GABRB3: variants seen among roughly 807,000 people sequenced by gnomAD.
GABRB3 encodes the protein gamma-aminobutyric acid receptor subunit beta-3.
GABRB3 carries 14 observed loss-of-function variants against 52.1 expected under a neutral mutation model. The observed-to-expected ratio is 0.27, with a 90% CI of 0.18 to 0.42. The LOEUF (loss-of-function observed/expected upper bound fraction) is 0.42, where lower values mean the gene tolerates loss of function less well. GABRB3 is among the 10% of genes least tolerant of loss of function. GABRB3 has a pLI of 1.00. For synonymous variants in GABRB3, 260 were observed against 232.3 expected (o/e 1.12, Z -1.08); for missense variants, 307 against 609.1 (o/e 0.50, Z 5.22).
intron 3 of GABRB3, among the ~76,000 whole-genome samples, chr15:26,651,270 C>T (rs74004634): frequency 0.012 from 1,802 of 152,348 alleles, 39 homozygotes; most frequent in African/African-American, 0.041. Flanking sequence ...ATCCCTCACC[C>T]GCTTGTTCAC....
intron 6 of GABRB3, among the ~76,000 whole-genome samples, chr15:26,575,111 T>C (rs1364523316): frequency 1.3e-5 from 2 of 152,212 alleles, no homozygotes; most frequent in Admixed American, 6.5e-5. Context: ...TTTTAAACTT[T>C]TGCTGGAGGT....
intron 5 of GABRB3, among the ~76,000 whole-genome samples, chr15:26,582,282 CT>C (rs1446809054): frequency 6.6e-6 from 1 of 152,214 alleles, no homozygotes; most frequent in African/African-American, 2.4e-5. Flanking sequence ...TGCTGCCTTA[CT>C]TAGATTCCAA....
chr15:26,554,176 G>GTATATATATATAAAATATATA (rs1889645586), intron 8 of GABRB3, among the ~76,000 whole-genome samples: 4 of 27,342 alleles, frequency 1.5e-4, no homozygotes, highest in Admixed American at 6.6e-4. Context: ...TATATATAAA[G>GTATATATATATAAAATATATA]TATATATATA....
chr15:26,688,824 T>A (rs1366647424), intron 3 of GABRB3, among the ~76,000 whole-genome samples: 2 of 152,190 alleles, frequency 1.3e-5, no homozygotes, highest in East Asian at 3.9e-4. Flanking sequence ...CTACAAAGGT[T>A]TCCATAGATG....
chr15:26,678,262 G>C (rs1349895395), intron 3 of GABRB3, among the ~76,000 whole-genome samples: 1 of 152,200 alleles, frequency 6.6e-6, no homozygotes, highest in Non-Finnish European at 1.5e-5. Flanking sequence ...GAGAGAATGA[G>C]CTGGCCCTGT....
intron 3 of GABRB3, among the ~76,000 whole-genome samples, chr15:26,628,681 A>AAC (rs776690072): frequency 1.4e-5 from 2 of 145,174 alleles, no homozygotes; most frequent in African/African-American, 5.0e-5. Context: ...CGCAAAAAAA[A>AAC]CAAAAAAACA....
chr15:26,720,556 A>G (rs1889617212), intron 3 of GABRB3, among the ~76,000 whole-genome samples: 1 of 152,214 alleles, frequency 6.6e-6, no homozygotes, highest in East Asian at 1.9e-4. Context: ...AAAATTGGCA[A>G]CTGTACAATC....
chr15:26,646,276 C>G (rs915878693), intron 3 of GABRB3, among the ~76,000 whole-genome samples: 1 of 152,126 alleles, frequency 6.6e-6, no homozygotes, highest in African/African-American at 2.4e-5. Context: ...TATGGATTTG[C>G]CTATTCTGGA....
intron 3 of GABRB3, among the ~76,000 whole-genome samples, chr15:26,746,575 GTTTT>G (rs200499502): frequency 4.4e-5 from 6 of 135,300 alleles, no homozygotes; most frequent in Non-Finnish European, 7.9e-5. Flanking sequence ...ATTTAAGTCC[GTTTT>G]TTGTTTTTTT....
chr15:26,737,239 C>T (rs12437487), intron 3 of GABRB3, among the ~76,000 whole-genome samples: 64,821 of 152,016 alleles, frequency 0.43, 16,224 homozygotes, highest in Admixed American at 0.59. Flanking sequence ...AGTGATGACT[C>T]GATAGCCCAG....
At chr15:26,699,120 G>C (rs1434575494) in intron 3 of GABRB3, among the ~76,000 whole-genome samples, 1 of 152,034 alleles carries the variant, frequency 6.6e-6, no homozygotes, top group Non-Finnish European at 1.5e-5. Context: ...ATAAATATTA[G>C]AGGAAAATTT....
In GABRB3 at chr15:26,722,964, G is replaced by A. The variant is rs536228705; in HGVS notation, c.240+49438C>T. On this transcript the variant is annotated intron_variant, in intron 3 of 8. Coordinates refer to ENST00000311550, the MANE Select transcript of GABRB3 (RefSeq NM_000814.6). Reference sequence around the variant, plus strand: ...GTTAGATTGTATCATTCATTTCCCAGGAGAGTGATTTCATTTTAATAATAA... The same window carrying A: ...GTTAGATTGTATCATTCATTTCCCAAGAGAGTGATTTCATTTTAATAATAA... 1.1e-4 allele frequency among the ~76,000 whole-genome samples: 17 copies of A among 152,216 alleles called. No individual in the cohort carries two copies. The East Asian group carries it at 3.3e-3, about 29-fold the overall frequency.
rs549067154 is a variant in GABRB3, at chr15:26,603,281, A to G, written c.461+18033T>C. Among the ~76,000 whole-genome samples the G allele has an allele frequency of 2.4e-4, 36 of 152,156 alleles. No individual in the cohort carries two copies. In the South Asian group the frequency reaches 7.5e-3, roughly 32 times the overall value. ...GTCACAATAAAAAGTCTCTCAGTAA[A>G]GAAAAGCCTGGGACCCAATGGCTTC... On this transcript the variant is annotated intron_variant, in intron 4 of 8. Transcript: ENST00000311550.
intron 6 of GABRB3, among the ~76,000 whole-genome samples, chr15:26,571,371 G>A (rs1459852370): frequency 3.3e-5 from 5 of 152,172 alleles, no homozygotes. Flanking sequence ...TGGTAGAAGA[G>A]CTATACATAC....
intron 4 of GABRB3, chr15:26,615,549 T>C (rs926819787): frequency 1.5e-6 from 1 of 666,830 alleles, no homozygotes; most frequent in African/African-American, 1.9e-5. Flanking sequence ...CTCTCAAGCA[T>C]CTGCGTGAGT....
At chr15:26,714,957 G>A (rs979052212) in intron 3 of GABRB3, among the ~76,000 whole-genome samples, 40 of 152,218 alleles carry the variant, frequency 2.6e-4, no homozygotes, top group African/African-American at 4.6e-4. Flanking sequence ...GCCTCAAGGG[G>A]AGATAAAGCA....
chr15:26,705,650 A>C (rs145760334), intron 3 of GABRB3, among the ~76,000 whole-genome samples: 1 of 152,368 alleles, frequency 6.6e-6, no homozygotes, highest in East Asian at 1.9e-4. Context: ...AGTACATTCT[A>C]TACAATTATA....
chr15:26,750,979 C>T (rs17117335), intron 3 of GABRB3, among the ~76,000 whole-genome samples: 14 of 151,974 alleles, frequency 9.2e-5, no homozygotes, highest in African/African-American at 3.4e-4. Context: ...AGTAACAAGT[C>T]AGTATTTGGC....
chr15:26,672,972 ATACT>A (rs201759693), intron 3 of GABRB3, among the ~76,000 whole-genome samples: 3,485 of 152,314 alleles, frequency 0.023, 62 homozygotes, highest in Middle Eastern at 0.058. Context: ...AGCACATGTC[ATACT>A]TACTTATCAA....
Sources: gnomAD v4.1 joint callset for allele counts (sites outside exome capture counted in the v4.1 genomes callset) on GRCh38, gnomAD v4.1.1 for gene constraint, MANE v1.5 for transcripts, NCBI Gene and HGNC (gene_info 2026-07-23, HGNC 2026-07-21) for gene names.